CES4A: variants seen among roughly 807,000 people sequenced by gnomAD.
The protein encoded by CES4A is carboxylesterase 4A, also known as carboxylesterase 6.
CES4A carries 48 observed loss-of-function variants against 65.4 expected under a neutral mutation model. That is an observed-to-expected ratio of 0.73 (90% confidence interval 0.58 to 0.93). The LOEUF is 0.93. CES4A is among the 40% of genes least tolerant of loss of function. CES4A has a pLI of 0.00. For synonymous variants in CES4A, 247 were observed against 281.8 expected, an observed-to-expected ratio of 0.88 and a Z score of 1.24; for missense variants, 685 against 728.5, an observed-to-expected ratio of 0.94 and a Z score of 0.69.
intron 2 of CES4A, among the ~76,000 whole-genome samples, chr16:66,999,505 C>T (rs1487189259): frequency 6.6e-6 from 1 of 152,188 alleles, no homozygotes; most frequent in African/African-American, 2.4e-5. Flanking sequence ...AGGACATGGT[C>T]AACAGCGGAC....
chr16:66,995,301 C>G (rs1009847312), intron 1 of CES4A, among the ~76,000 whole-genome samples: 2 of 151,290 alleles, frequency 1.3e-5, no homozygotes, highest in East Asian at 3.9e-4. Flanking sequence ...CAGAGCAAGA[C>G]TCCATCTCAA....
rs553311169 is a variant in CES4A at position 67,001,500 on chromosome 16, G to T, written c.690+39G>T. 6.5e-7 allele frequency: 1 copy of T among 1,549,796 alleles called. No individual in the cohort carries two copies. Among genetic ancestry groups the T allele is most frequent in the Non-Finnish European group, 8.7e-7 (1 of 1,148,252 alleles). ...CCAGACGGACCGAGCACAGACTTAGGCTCCTGCGTTCCCACAAATGTATGC... is the reference window on the plus strand; with the variant it reads ...CCAGACGGACCGAGCACAGACTTAGTCTCCTGCGTTCCCACAAATGTATGC... On this transcript the variant is annotated intron_variant, in intron 5 of 13. Coordinates refer to ENST00000648724, the Ensembl canonical transcript of CES4A. The surrounding 1 kb of genome is among the most constrained non-coding windows in gnomAD (Gnocchi z 4.1).
In CES4A at chr16:67,000,694, G is replaced by C. The variant is rs1378934249; in HGVS notation, c.317G>C (p.Arg106Pro). ...TCGATGTACGTCAGCACGCGGGAAC[G>C]GTACAAGTGGCTGCGCTTCAGCGAG... The change falls in exon 3 of 14, where the codon CGG becomes CCG. Residue 106 changes from arginine (R) to proline (P), a missense_variant. Arg to Pro is a moderately radical substitution (Grantham distance 103). Coordinates refer to ENST00000648724, the Ensembl canonical transcript of CES4A. This position sits in a 1 kb window ranked among gnomAD's most constrained non-coding sequence, Gnocchi z 4.2. 5 of 1,550,524 alleles carry C rather than the reference G, an allele frequency of 3.2e-6. No individual in the cohort carries two copies. Among genetic ancestry groups the C allele is most frequent in the Non-Finnish European group, 4.4e-6 (5 of 1,147,372 alleles).
chr16:66,993,906 T>C (rs546983528), intron 1 of CES4A, among the ~76,000 whole-genome samples: 3,447 of 151,366 alleles, frequency 0.023, 60 homozygotes, highest in Non-Finnish European at 0.033. Flanking sequence ...TCAAGACCAT[T>C]CTGGCTAACA....
In CES4A at chr16:66,995,167, G is replaced by A. The variant is rs377416094; in HGVS notation, c.59-461G>A. The stretch of plus-strand genomic sequence containing the variant: ...TCTACTAAAAATACAAAAATTAGCC[G>A]GGTGTGGTGGCGGGCGCCTGTGGTC... On this transcript the variant is annotated intron_variant, in intron 1 of 13. Coordinates refer to ENST00000648724, the Ensembl canonical transcript of CES4A. Among the ~76,000 whole-genome samples, 270 of 151,740 alleles carry A rather than the reference G, an allele frequency of 1.8e-3. 1 individual carries two copies. Among genetic ancestry groups the A allele is most frequent in the South Asian group, 2.3e-3 (11 of 4,786 alleles).
intron 1 of CES4A, among the ~76,000 whole-genome samples, chr16:66,990,047 C>CTTTTTTTTTT (rs1009395226): frequency 3.3e-5 from 4 of 121,446 alleles, no homozygotes; most frequent in African/African-American, 6.4e-5. Flanking sequence ...TTCATCTTTT[C>CTTTTTTTTTT]TTTTTTTTTT....
At chr16:66,993,197 C>T (rs189738715) in intron 1 of CES4A, among the ~76,000 whole-genome samples, 7 of 152,294 alleles carry the variant, frequency 4.6e-5, no homozygotes, top group Non-Finnish European at 1.0e-4. Flanking sequence ...AGTTTGCTTG[C>T]ATTGTGTATG....
At chr16:67,006,751 C>A in exon 13 of CES4A, 1 of 1,614,140 alleles carries the variant, frequency 6.2e-7, no homozygotes, top group Non-Finnish European at 8.5e-7. Flanking sequence ...CCAGGCCTTT[C>A]CATGGGTAAG....
intron 1 of CES4A, among the ~76,000 whole-genome samples, chr16:66,989,767 A>G (rs934178134): frequency 1.3e-5 from 2 of 151,902 alleles, no homozygotes; most frequent in Non-Finnish European, 2.9e-5. Flanking sequence ...AGGCAGGAGA[A>G]TCGCTTGAAG....
chr16:67,000,848 T>G lies in CES4A; in HGVS notation c.403-9T>G, dbSNP rs765662158. On this transcript the variant is annotated splice_polypyrimidine_tract_variant and intron_variant, in intron 3 of 13. Coordinates refer to ENST00000648724, the Ensembl canonical transcript of CES4A. The surrounding 1 kb of genome is among the most constrained non-coding windows in gnomAD (Gnocchi z 4.2). ...CCGCCCCGCTCAGATCCCGGCCTTC[T>G]TCGTCCAGGTGATGGTCTGGTTCCC... is the stretch of plus-strand genomic sequence containing the variant. 6.3e-7 allele frequency: 1 copy of G among 1,580,808 alleles called. No individual in the cohort carries two copies. The highest frequency in any genetic ancestry group is 8.6e-7 in the Non-Finnish European group (1 of 1,163,454).
rs1288684269 is a variant in CES4A at position 67,006,837 on chromosome 16, C to T, written c.1517+20C>T. The T allele has an allele frequency of 6.2e-7, 1 of 1,611,156 alleles. No individual in the cohort carries two copies. Reference sequence around the variant, plus strand: ...CACAGGGTGAGTCTGCCCCCCAGCACATCTGGGCATTCTACCTGCCCAGTG... The same window carrying T: ...CACAGGGTGAGTCTGCCCCCCAGCATATCTGGGCATTCTACCTGCCCAGTG... On this transcript the variant is annotated intron_variant, in intron 13 of 13. Coordinates refer to ENST00000648724, the Ensembl canonical transcript of CES4A.
intron 13 of CES4A, chr16:67,007,127 C>G: frequency 2.8e-6 from 1 of 352,428 alleles, no homozygotes; most frequent in African/African-American, 2.1e-5. Flanking sequence ...CAGACATGAG[C>G]CCCATCCTCC....
intron 13 of CES4A, chr16:67,007,124 G>A (rs1965829409): frequency 5.5e-6 from 2 of 362,046 alleles, no homozygotes; most frequent in African/African-American, 4.2e-5. Flanking sequence ...TTGCAGACAT[G>A]AGCCCCATCC....
At chr16:66,992,222 TAA>T (rs1964449420) in intron 1 of CES4A, among the ~76,000 whole-genome samples, 1 of 152,240 alleles carries the variant, frequency 6.6e-6, no homozygotes, top group Admixed American at 6.5e-5. Context: ...AAGAGCTTTG[TAA>T]ACTGCAAAGG....
Position 66,996,180 on chromosome 16 carries a change from G to T in CES4A, c.260+351G>T, listed in dbSNP as rs1260385255. ...AGCCTCTGAGTATCTGGGGCTACAG[G>T]TACGTGCCACCATGCACACCTAATT... On this transcript the variant is annotated intron_variant, in intron 2 of 13. Transcript: ENST00000648724. The T allele has an allele frequency of 2.0e-5, 8 of 407,772 alleles. No homozygotes were observed. The Admixed American group carries it at 2.0e-4, about 10-fold the overall frequency. The allele number at this position is 407,772 out of a possible 1,614,324, so 25.3% of individuals were successfully genotyped here.
chr16:67,002,171 AT>A lies in CES4A; in HGVS notation c.690+721del, dbSNP rs869100728. On this transcript the variant is annotated intron_variant, in intron 5 of 13. Coordinates refer to ENST00000648724, the Ensembl canonical transcript of CES4A. Reference sequence around the variant, plus strand: ...TCACTAAAAAGCAGAGGAAAAAAAAATTTTTTTTTTTGAGACGGAGTTTCGC... The same window carrying A: ...TCACTAAAAAGCAGAGGAAAAAAAAATTTTTTTTTTGAGACGGAGTTTCGC... 1.7e-4 allele frequency among the ~76,000 whole-genome samples: 25 copies of A among 150,220 alleles called. 1 individual carries two copies. Among genetic ancestry groups the A allele is most frequent in the East Asian group, 1.6e-3 (8 of 5,122 alleles).
chr16:67,005,911 TCAAA>T, intron 11 of CES4A: 1 of 176,680 alleles, frequency 5.7e-6, no homozygotes, highest in South Asian at 1.3e-4. Context: ...GGGCAGGACC[TCAAA>T]CAGTCCAGAG....
Position 67,006,488 on chromosome 16 carries a change from G to A in CES4A, c.1413G>A (p.Met471Ile), listed in dbSNP as rs1448334917. 2.7e-5 allele frequency: 41 copies of A among 1,536,702 alleles called. No homozygotes were observed. The East Asian group carries it at 9.3e-4, about 35-fold the overall frequency. Residue 471 changes from methionine (M) to isoleucine (I), a missense_variant, in exon 12 of 14, where the codon ATG (methionine) becomes ATA (isoleucine). Coordinates refer to ENST00000648724, the Ensembl canonical transcript of CES4A. ...ATGGGGCAGACCATGGGGATGAGAT[G>A]TACTTCCTCTTTGGGGGCCCCTTCG...
intron 1 of CES4A, among the ~76,000 whole-genome samples, chr16:66,994,854 A>AAAG (rs1964699487): frequency 6.6e-6 from 1 of 151,014 alleles, no homozygotes; most frequent in African/African-American, 2.4e-5. Flanking sequence ...AAAAAAAAAA[A>AAAG]TTAGCCAGGC....
Sources: gnomAD v4.1 joint callset for allele counts (sites outside exome capture counted in the v4.1 genomes callset) on GRCh38, gnomAD v4.1.1 for gene constraint, Gnocchi (gnomAD v3.1) non-coding constraint, MANE v1.5 for transcripts, NCBI Gene and HGNC (gene_info 2026-07-23, HGNC 2026-07-21) for gene names.